Variants in GPC5 observed in about 807,000 individuals in gnomAD.
The protein encoded by GPC5 is glypican-5.
In GPC5, 47 loss-of-function variants were observed where a neutral mutation model predicts 53.9. The ratio of observed to expected loss-of-function variants is 0.87; its 90% confidence interval spans 0.69 to 1.11. The LOEUF (loss-of-function observed/expected upper bound fraction) is 1.11, where lower values mean the gene tolerates loss of function less well. Among genes scored for constraint, GPC5 ranks in the 50% most tolerant of loss-of-function variants. The pLI, the probability that GPC5 is intolerant of heterozygous loss-of-function variation, is 0.00. For missense variants in GPC5, 748 were observed against 713.1 expected, an observed-to-expected ratio of 1.05 and a Z score of -0.56; for synonymous variants, 286 against 263.3, an observed-to-expected ratio of 1.09 and a Z score of -0.84.
chr13:91,652,381 G>A (rs1219001685), intron 2 of GPC5, among the ~76,000 whole-genome samples: 1 of 152,060 alleles, frequency 6.6e-6, no homozygotes, highest in Non-Finnish European at 1.5e-5. Context: ...ATTAAGTGGG[G>A]AACTTTTACC....
intron 7 of GPC5, among the ~76,000 whole-genome samples, chr13:92,272,635 C>A (rs1945697091): frequency 6.6e-6 from 1 of 152,008 alleles, no homozygotes. Flanking sequence ...ATGAAAAGTT[C>A]AACCCGGGCC....
At chr13:92,692,770 T>TTTTTTTTTTTTTTTTTTTTTTTTTTTTG (rs1887448160) in intron 7 of GPC5, among the ~76,000 whole-genome samples, 1 of 145,696 alleles carries the variant, frequency 6.9e-6, no homozygotes, top group African/African-American at 2.5e-5. Flanking sequence ...TTTTTTTTTT[T>TTTTTTTTTTTTTTTTTTTTTTTTTTTTG]TTTTTTACAT....
At chr13:92,341,361 C>T (rs2043365204) in intron 7 of GPC5, among the ~76,000 whole-genome samples, 2 of 152,080 alleles carry the variant, frequency 1.3e-5, no homozygotes, top group South Asian at 4.2e-4. Flanking sequence ...CATATATTGT[C>T]AACTTCCAAC....
chr13:92,307,681 C>G (rs911588955), intron 7 of GPC5, among the ~76,000 whole-genome samples: 2 of 152,200 alleles, frequency 1.3e-5, no homozygotes, highest in African/African-American at 4.8e-5. Flanking sequence ...AGCTACTTCT[C>G]TCTCATCTGC....
chr13:91,874,572 G>A (rs1032977854), intron 5 of GPC5, among the ~76,000 whole-genome samples: 9 of 152,028 alleles, frequency 5.9e-5, no homozygotes, highest in Admixed American at 2.0e-4. Flanking sequence ...AATTTCTTAC[G>A]ATGGTAAATT....
chr13:92,423,240 C>G (rs913432183), intron 7 of GPC5, among the ~76,000 whole-genome samples: 1 of 152,182 alleles, frequency 6.6e-6, no homozygotes, highest in Non-Finnish European at 1.5e-5. Flanking sequence ...GGTTTCAACA[C>G]ATGAATTTGT....
chr13:91,655,031 TTAA>T (rs1286722359), intron 2 of GPC5, among the ~76,000 whole-genome samples: 1 of 152,184 alleles, frequency 6.6e-6, no homozygotes, highest in East Asian at 1.9e-4. Context: ...TTCAGAGTAC[TTAA>T]TAAATATTTA....
chr13:92,177,275 T>G (rs1484989180), intron 7 of GPC5, among the ~76,000 whole-genome samples: 1 of 152,220 alleles, frequency 6.6e-6, no homozygotes, highest in Non-Finnish European at 1.5e-5. Context: ...CTTCCCCTTG[T>G]CTGACTTTCA....
chr13:91,974,747 C>T (rs1018023613), intron 6 of GPC5, among the ~76,000 whole-genome samples: 4 of 152,078 alleles, frequency 2.6e-5, no homozygotes, highest in African/African-American at 9.7e-5. Context: ...AATGACTTTC[C>T]TCACAGAATT....
rs1399766271 is a variant in GPC5, at chr13:92,137,010, ACTGCACAAACTGCAT to A, written c.1402-7819_1402-7805del. ...AAAACTATTTTTGGCTAATCAGCTG[ACTGCACAAACTGCAT>A]GGCATTGAGGAAAGGAAGCACGTTC... On this transcript the variant is annotated intron_variant, in intron 6 of 7. Coordinates refer to ENST00000377067, the MANE Select transcript of GPC5 (RefSeq NM_004466.6). Among the ~76,000 whole-genome samples, 5 of 152,134 alleles carry A rather than the reference ACTGCACAAACTGCAT, an allele frequency of 3.3e-5. No homozygotes were observed. The South Asian group carries it at 1.0e-3, about 32-fold the overall frequency.
At chr13:92,719,790 G>A (rs927140866) in intron 7 of GPC5, 1 of 152,096 alleles carries the variant, frequency 6.6e-6, no homozygotes, top group African/African-American at 2.4e-5. Flanking sequence ...GCCTTAGTAA[G>A]TTACACACCT....
intron 2 of GPC5, among the ~76,000 whole-genome samples, chr13:91,531,686 T>A (rs1886351538): frequency 6.6e-6 from 1 of 152,138 alleles, no homozygotes; most frequent in Non-Finnish European, 1.5e-5. Context: ...TTTCTTTTTG[T>A]TCTTTATACA....
intron 7 of GPC5, among the ~76,000 whole-genome samples, chr13:92,776,538 T>G (rs1380668631): frequency 6.6e-6 from 1 of 152,224 alleles, no homozygotes; most frequent in East Asian, 1.9e-4. Context: ...TGTAAATCTC[T>G]TTGGCAGGGC....
intron 7 of GPC5, among the ~76,000 whole-genome samples, chr13:92,505,954 G>A (rs556661199): frequency 6.6e-6 from 1 of 152,242 alleles, no homozygotes; most frequent in South Asian, 2.1e-4. Context: ...ACAGGATGTA[G>A]GAGTGAGAAG....
At chr13:91,971,430 C>T (rs1421199970) in intron 6 of GPC5, among the ~76,000 whole-genome samples, 5 of 151,998 alleles carry the variant, frequency 3.3e-5, no homozygotes, top group Non-Finnish European at 5.9e-5. Context: ...CCTAGATTCA[C>T]TAATTTTTTG....
rs143535276 is a variant in GPC5 at position 91,425,283 on chromosome 13, A to G, written c.164-23478A>G. The stretch of plus-strand genomic sequence containing the variant: ...TCAGTCTTTAGGTTAGCATGGTTTC[A>G]CAGGTGGTCTCCTATTTCATAATTT... On this transcript the variant is annotated intron_variant, in intron 1 of 7. Transcript: ENST00000377067. Among the ~76,000 whole-genome samples the G allele has an allele frequency of 3.3e-3, 499 of 152,276 alleles. 6 individuals are homozygous for G. The highest frequency in any genetic ancestry group is 0.012 in the African/African-American group (485 of 41,554).
chr13:91,604,077 T>C (rs1444409832), intron 2 of GPC5, among the ~76,000 whole-genome samples: 1 of 149,180 alleles, frequency 6.7e-6, no homozygotes, highest in Non-Finnish European at 1.5e-5. Context: ...GCATTAGGTA[T>C]ATCTCCCGAT....
At chr13:91,860,510 T>C (rs1452170364) in intron 5 of GPC5, among the ~76,000 whole-genome samples, 1 of 149,546 alleles carries the variant, frequency 6.7e-6, no homozygotes, top group South Asian at 2.1e-4. Flanking sequence ...CTTTCTTTCT[T>C]CTTTTTCTTT....
At chr13:92,222,532 G>C (rs561931998) in intron 7 of GPC5, among the ~76,000 whole-genome samples, 3 of 152,088 alleles carry the variant, frequency 2.0e-5, no homozygotes, top group Non-Finnish European at 4.4e-5. Context: ...AAGCAAGTTC[G>C]CACAGACACA....
Sources: allele counts gnomAD v4.1 joint callset (sites outside exome capture counted in the v4.1 genomes callset), GRCh38; gene constraint gnomAD v4.1.1; transcripts MANE v1.5; gene names NCBI Gene and HGNC (gene_info 2026-07-23, HGNC 2026-07-21).